Variants in KIF9 observed in about 807,000 individuals in gnomAD.
KIF9 encodes kinesin-like protein KIF9.
A neutral mutation model predicts 94.8 loss-of-function variants in KIF9; 68 were observed. That is an observed-to-expected ratio of 0.72 (90% CI 0.59 to 0.88). The LOEUF is 0.88. Ranked by LOEUF, KIF9 falls within the 40% of genes least tolerant of loss-of-function variation. The probability of loss-of-function intolerance (pLI) is 0.00; values close to 1 mark genes in which losing one functional copy is unlikely to be tolerated. For missense variants in KIF9, 882 were observed against 982.5 expected (o/e 0.90, Z 1.37); for synonymous variants, 343 against 362.1 (o/e 0.95, Z 0.60).
At chr3:47,241,141 C>A in intron 16 of KIF9, 126 bp from the exon 17 acceptor site, 2 of 751,042 alleles carry the variant, frequency 2.7e-6, no homozygotes, top group East Asian at 2.5e-5. Flanking sequence ...ACCACCTACC[C>A]AAGACAGGAG....
chr3:47,280,303 T>C (rs1161468254), intron 1 of KIF9, among the ~76,000 whole-genome samples: 1 of 152,186 alleles, frequency 6.6e-6, no homozygotes, highest in African/African-American at 2.4e-5. Flanking sequence ...TCAGATGCCA[T>C]CCAGGGTATG....
chr3:47,277,113 T>C (rs565135091), intron 2 of KIF9, 169 bp downstream of exon 2: 39 of 418,632 alleles, frequency 9.3e-5, no homozygotes, highest in African/African-American at 7.5e-4. Flanking sequence ...TATTAATTTC[T>C]TCATTAGCAG....
In KIF9 at chr3:47,282,655, C is replaced by T; in HGVS notation, c.-166G>A. On this transcript the variant is annotated 5_prime_UTR_variant, in exon 1 of 21. It removes the in-frame stop codon of an upstream open reading frame in the 5' UTR. Coordinates refer to ENST00000684063, the MANE Select transcript of KIF9 (RefSeq NM_182902.4). ...GGTGGCGGAAATGAAGTCCGAGGTCCTACGTCGAGGATACGGGTGAGGTCA... is the reference window on the plus strand; with the variant it reads ...GGTGGCGGAAATGAAGTCCGAGGTCTTACGTCGAGGATACGGGTGAGGTCA... The T allele has an allele frequency of 2.4e-6, 3 of 1,231,292 alleles. No individual in the cohort carries two copies. Among genetic ancestry groups the T allele is most frequent in the Non-Finnish European group, 3.1e-6 (3 of 975,218 alleles). 76.3% of individuals were successfully genotyped at this position (1,231,292 alleles called of 1,614,324 possible).
chr3:47,232,347 C>A (rs575446712), intron 20 of KIF9, among the ~76,000 whole-genome samples: 1 of 151,908 alleles, frequency 6.6e-6, no homozygotes, highest in African/African-American at 2.4e-5. Context: ...TGCAGTGGTG[C>A]GATCTCAGCT....
chr3:47,234,234 CTTTTTTTTTT>C (rs542496579), intron 20 of KIF9, among the ~76,000 whole-genome samples: 1 of 142,680 alleles, frequency 7.0e-6, no homozygotes, highest in Non-Finnish European at 1.5e-5. Context: ...TTTGTACTTT[CTTTTTTTTTT>C]TTTTGGAGAC....
At chr3:47,273,485 GGTCA>G in intron 4 of KIF9, 63 bp downstream of exon 4, 1 of 1,265,954 alleles carries the variant, frequency 7.9e-7, no homozygotes, top group Non-Finnish European at 1.1e-6. Flanking sequence ...GCTGGCCCAG[GGTCA>G]GTAACATCTA....
At chr3:47,260,251 T>C (rs1339170926) in intron 9 of KIF9, among the ~76,000 whole-genome samples, 3 of 143,556 alleles carry the variant, frequency 2.1e-5, no homozygotes, top group African/African-American at 7.8e-5. Flanking sequence ...CACGTGTTTG[T>C]CTGCTGACCC....
chr3:47,271,195 G>C, intron 5 of KIF9, 42 bp downstream of exon 5: 3 of 1,353,512 alleles, frequency 2.2e-6, no homozygotes, highest in Non-Finnish European at 3.2e-6. Flanking sequence ...GGGTGGCAGG[G>C]AGGGAGAGAA....
In KIF9 at chr3:47,243,112, C is replaced by T. The variant is rs1167195805; in HGVS notation, c.1648G>A (p.Glu550Lys). The T allele has an allele frequency of 6.2e-7, 1 of 1,613,822 alleles. No individual in the cohort carries two copies. The highest frequency in any genetic ancestry group is 1.1e-5 in the South Asian group (1 of 91,056). The change falls in exon 16 of 21, where the codon GAA becomes AAA. Residue 550 changes from glutamate to lysine, a missense_variant. Coordinates refer to ENST00000684063, the MANE Select transcript of KIF9 (RefSeq NM_182902.4). ...DVKDMLSRDR[E>K]TSSIEPLPSD... ...GGAAGGGGCTCAATGCTGGAAGTTT[C>T]CCGGTCCCGCGAAAGCATGTCTTTG...
intron 16 of KIF9, among the ~76,000 whole-genome samples, chr3:47,241,762 T>C (rs13062261): frequency 2.7e-5 from 4 of 146,126 alleles, no homozygotes; most frequent in Non-Finnish European, 6.0e-5. Context: ...TATATATACA[T>C]ATATACGTAT....
intron 16 of KIF9, among the ~76,000 whole-genome samples, chr3:47,241,824 T>C (rs1025714259): frequency 3.6e-4 from 52 of 143,970 alleles, no homozygotes; most frequent in African/African-American, 6.9e-4. Flanking sequence ...TGTATATATA[T>C]ACACACACAC....
At chr3:47,233,962 G>A (rs1296109357) in intron 20 of KIF9, among the ~76,000 whole-genome samples, 1 of 151,322 alleles carries the variant, frequency 6.6e-6, no homozygotes, top group African/African-American at 2.4e-5. Flanking sequence ...ATGGTAGCAT[G>A]CCCCCAGCTA....
At chr3:47,271,174 G>T (rs1380134995) in intron 5 of KIF9, 63 bp downstream of exon 5, 2 of 1,112,440 alleles carry the variant, frequency 1.8e-6, no homozygotes, top group East Asian at 5.0e-5. Context: ...AAAAAGAAAA[G>T]CTGAGAAGGA....
chr3:47,244,497 G>T (rs1252406805), intron 15 of KIF9: 1 of 325,022 alleles, frequency 3.1e-6, no homozygotes, highest in Non-Finnish European at 5.8e-6. Flanking sequence ...CTCATTGGTG[G>T]TATGGCCTTG....
rs1698962428 is a variant in KIF9, at chr3:47,235,623, G to A, written c.2218-6C>T. ...TTGTCCTGGTCATCTTCTCCCTGGG[G>A]GAGGACAGTCCCTTTAGCATGGTAT... On this transcript the variant is annotated splice_region_variant and splice_polypyrimidine_tract_variant and intron_variant, in intron 19 of 20. Transcript: ENST00000684063. The A allele has an allele frequency of 1.1e-5, 18 of 1,608,786 alleles. No homozygotes were observed. The highest frequency in any genetic ancestry group is 1.4e-5 in the Non-Finnish European group (17 of 1,175,374).
chr3:47,267,249 C>G lies in KIF9; in HGVS notation c.606G>C (p.Arg202Ser). The G allele has an allele frequency of 6.2e-7, 1 of 1,612,842 alleles. No homozygotes were observed. Among genetic ancestry groups the G allele is most frequent in the Non-Finnish European group, 8.5e-7 (1 of 1,178,898 alleles). The change falls in exon 6 of 21, where the codon AGG becomes AGC. Residue 202 changes from arginine to serine, a missense_variant. By Grantham distance (110) the Arg-to-Ser change is moderately radical. Transcript: ENST00000684063. ...FSLLFEGETN[R>S]IIASHTMNKN... ...TGTTCATAGTGTGGGAGGCTATAAT[C>G]CTGTTGGTCTCACCCTGAAGAGGAA...
chr3:47,271,187 G>A (rs371247943), intron 5 of KIF9, 50 bp downstream of exon 5: 93 of 1,276,840 alleles, frequency 7.3e-5, no homozygotes, highest in Middle Eastern at 2.5e-4. Context: ...GAGAAGGAGG[G>A]TGGCAGGGAG....
chr3:47,240,813 G>T lies in KIF9; in HGVS notation c.1912C>A (p.Arg638=), dbSNP rs2276853. 31 of 1,613,406 alleles carry T rather than the reference G, an allele frequency of 1.9e-5. No individual in the cohort carries two copies. The highest frequency in any genetic ancestry group is 2.5e-5 in the Non-Finnish European group (30 of 1,179,722). Residue 638 remains arginine, a synonymous_variant, in exon 17 of 21, where the codon CGG becomes AGG. Coordinates refer to ENST00000684063, the MANE Select transcript of KIF9 (RefSeq NM_182902.4). ...CCAACACATTTACCTTGCTTCTCCC[G>T]TAGTGACTTCTGGAAATTCAGGGCC... ...KEALNFQKSL[R]EKQGKYENKG... is the part of the protein sequence containing the mutation.
Position 47,273,586 on chromosome 3 carries a change from T to G in KIF9, c.332A>C (p.Lys111Thr). 6.2e-7 allele frequency: 1 copy of G among 1,612,912 alleles called. No individual in the cohort carries two copies. The highest frequency in any genetic ancestry group is 1.1e-5 in the South Asian group (1 of 90,936). ...YTMMGATENY[K>T]HRGILPRALQ... ...GGCACGAGGGAGGATCCCCCGGTGC[T>G]TGTAATTCTCAGTTGCCCCCATCAT... The change falls in exon 4 of 21, where the codon AAG (lysine) becomes ACG (threonine). Residue 111 changes from lysine (K) to threonine (T), a missense_variant. Physicochemically the swap from Lys to Thr is moderately conservative, Grantham distance 78. Coordinates refer to ENST00000684063, the MANE Select transcript of KIF9 (RefSeq NM_182902.4).
Sources: allele counts gnomAD v4.1 joint callset (sites outside exome capture counted in the v4.1 genomes callset), GRCh38; gene constraint gnomAD v4.1.1; transcripts MANE v1.5; gene names NCBI Gene and HGNC (gene_info 2026-07-23, HGNC 2026-07-21).